IVNS1ABP: variants seen among roughly 807,000 people sequenced by gnomAD.
IVNS1ABP encodes the protein influenza virus NS1A-binding protein.
In IVNS1ABP, 25 loss-of-function variants were observed where a neutral mutation model predicts 78.9. The observed-to-expected ratio is 0.32, with a 90% CI of 0.23 to 0.44. The LOEUF (loss-of-function observed/expected upper bound fraction) is 0.44, where lower values mean the gene tolerates loss of function less well. IVNS1ABP is among the 20% of genes least tolerant of loss of function. IVNS1ABP has a pLI of 1.00. For synonymous variants in IVNS1ABP, 241 were observed against 259.7 expected (o/e 0.93, Z 0.69); for missense variants, 494 against 768.9 (o/e 0.64, Z 4.23).
chr1:185,308,695 A>G, intron 5 of IVNS1ABP, 105 bp downstream of exon 5: 4 of 799,064 alleles, frequency 5.0e-6, no homozygotes, highest in Non-Finnish European at 6.1e-6. Flanking sequence ...AAAAAGGGAC[A>G]TGTTCAAGTC....
At chr1:185,304,541 GA>G (rs1175087112) in intron 8 of IVNS1ABP, among the ~76,000 whole-genome samples, 8 of 152,140 alleles carry the variant, frequency 5.3e-5, no homozygotes, top group African/African-American at 1.9e-4. Flanking sequence ...GATTTTTAAA[GA>G]AAAGCATTCC....
In IVNS1ABP at chr1:185,300,715, C is replaced by T. The variant is rs1463629429; in HGVS notation, c.1121-157G>A. 4 of 782,244 alleles carry T rather than the reference C, an allele frequency of 5.1e-6. No homozygotes were observed. The African/African-American group carries it at 5.3e-5, about 10-fold the overall frequency. The allele number at this position is 782,244 out of a possible 1,614,324, so 48.5% of individuals were successfully genotyped here. ...TCTTTTAACTAAGTGCTTGTAATAGCTGAAAAATCGCATTATCAGTACAAA... is the reference window on the plus strand; with the variant it reads ...TCTTTTAACTAAGTGCTTGTAATAGTTGAAAAATCGCATTATCAGTACAAA... On this transcript the variant is annotated intron_variant, in intron 10 of 14. Transcript: ENST00000367498.
chr1:185,301,882 A>G (rs943436417), intron 8 of IVNS1ABP, among the ~76,000 whole-genome samples: 1 of 152,204 alleles, frequency 6.6e-6, no homozygotes, highest in African/African-American at 2.4e-5. Context: ...TATATTAAGT[A>G]TAGAATCTTT....
In IVNS1ABP at chr1:185,303,736, A is replaced by T. The variant is rs534060890; in HGVS notation, c.765+1800T>A. Among the ~76,000 whole-genome samples, 5 of 152,190 alleles carry T rather than the reference A, an allele frequency of 3.3e-5. No homozygotes were observed. In the East Asian group the frequency reaches 9.6e-4, roughly 29 times the overall value. ...GAACTACTGCTGGCAATAGTCTATAAACTGGGCTCAAACTTTTATTGATTT... is the reference window on the plus strand; with the variant it reads ...GAACTACTGCTGGCAATAGTCTATATACTGGGCTCAAACTTTTATTGATTT... On this transcript the variant is annotated intron_variant, in intron 8 of 14. Transcript: ENST00000367498.
At chr1:185,306,936 A>G (rs1248183677) in intron 7 of IVNS1ABP, 78 bp downstream of exon 7, 4 of 1,498,344 alleles carry the variant, frequency 2.7e-6, no homozygotes, top group South Asian at 2.3e-5. Context: ...GTTATAAAAT[A>G]AAAGTGAAAG....
At chr1:185,303,215 AAG>A (rs1288837650) in intron 8 of IVNS1ABP, among the ~76,000 whole-genome samples, 1 of 152,128 alleles carries the variant, frequency 6.6e-6, no homozygotes, top group Non-Finnish European at 1.5e-5. Context: ...ATGACTGTGA[AAG>A]AGAAAGGCCC....
At position 185,314,789 on chromosome 1, in the gene IVNS1ABP, T is replaced by C. The variant is rs1032476478; in HGVS notation, c.-247+2164A>G. Among the ~76,000 whole-genome samples the C allele has an allele frequency of 9.2e-5, 14 of 152,306 alleles. No homozygotes were observed. The South Asian group carries it at 2.9e-3, about 32-fold the overall frequency. On this transcript the variant is annotated intron_variant, in intron 1 of 14. Coordinates refer to ENST00000367498, the MANE Select transcript of IVNS1ABP (RefSeq NM_006469.5). The stretch of plus-strand genomic sequence containing the variant: ...AACATCAATTATCAAAATTAAGATA[T>C]GTGGCATCCTTATTAAAATCAATTA...
At chr1:185,315,514 CTCAAGTTCCGTT>C (rs1425014048) in intron 1 of IVNS1ABP, among the ~76,000 whole-genome samples, 1 of 152,190 alleles carries the variant, frequency 6.6e-6, no homozygotes, top group African/African-American at 2.4e-5. Context: ...TGGTCAGTGG[CTCAAGTTCCGTT>C]TACCTCTGGC....
At position 185,307,615 on chromosome 1, in the gene IVNS1ABP, G is replaced by A; in HGVS notation, c.405C>T (p.Ile135=). ...TACAACTTGCAAAATTTCGGTAAGA[G>A]ATGCAGCTGGTAACATCCATTCTAG... ...LLSRMDVTSC[I]SYRNFASCMG... Residue 135 remains isoleucine, a synonymous_variant, in exon 6 of 15, where the codon ATC becomes ATT. Transcript: ENST00000367498. 2 of 1,613,632 alleles carry A rather than the reference G, an allele frequency of 1.2e-6. No individual in the cohort carries two copies. Among genetic ancestry groups the A allele is most frequent in the Admixed American group, 3.3e-5 (2 of 59,984 alleles).
chr1:185,301,252 T>C, intron 9 of IVNS1ABP, 56 bp from the exon 10 acceptor site: 2 of 1,509,232 alleles, frequency 1.3e-6, no homozygotes, highest in Non-Finnish European at 1.8e-6. Context: ...GGTTTGTGTA[T>C]ATGATCCTGA....
chr1:185,300,722 A>C (rs1025520275), intron 10 of IVNS1ABP, 164 bp from the exon 11 acceptor site: 4 of 750,452 alleles, frequency 5.3e-6, no homozygotes, highest in Admixed American at 2.9e-5. Context: ...TAGCTGAAAA[A>C]TCGCATTATC....
At chr1:185,308,703 G>T in intron 5 of IVNS1ABP, 97 bp downstream of exon 5, 2 of 877,242 alleles carry the variant, frequency 2.3e-6, no homozygotes, top group Non-Finnish European at 3.6e-6. Context: ...ACATGTTCAA[G>T]TCCTTGAAAC....
chr1:185,301,065 G>C lies in IVNS1ABP; in HGVS notation c.1027C>G (p.Gln343Glu). 1 of 1,613,490 alleles carries C rather than the reference G, an allele frequency of 6.2e-7. No homozygotes were observed. Among genetic ancestry groups the C allele is most frequent in the Non-Finnish European group, 8.5e-7 (1 of 1,179,700 alleles). ...LSKSLSFEMQ[Q>E]DELIEKPMSP... ...ATGGGCTTTTCGATTAGCTCATCTT[G>C]TTGCATCTCAAAGCTTAAACTCTTA... Residue 343 changes from glutamine (Q) to glutamate (E), a missense_variant, in exon 10 of 15, where the codon CAA (glutamine) becomes GAA (glutamate). By Grantham distance (29) the Gln-to-Glu change is conservative. Transcript: ENST00000367498.
At chr1:185,307,245 A>G in intron 6 of IVNS1ABP, 106 bp from the exon 7 acceptor site, 2 of 1,337,426 alleles carry the variant, frequency 1.5e-6, no homozygotes, top group South Asian at 2.6e-5. Context: ...TTCATTCCAT[A>G]CATTTACTCT....
chr1:185,308,741 C>A, intron 5 of IVNS1ABP, 59 bp downstream of exon 5: 1 of 1,215,786 alleles, frequency 8.2e-7, no homozygotes, highest in East Asian at 2.3e-5. Context: ...ACAAATTCAG[C>A]ATTGCAATCA....
chr1:185,308,090 G>A, intron 5 of IVNS1ABP: 1 of 1,509,856 alleles, frequency 6.6e-7, no homozygotes, highest in Non-Finnish European at 8.9e-7. Flanking sequence ...ACTATATAAG[G>A]GAAAATCTAG....
At chr1:185,313,932 C>A (rs1055124758) in intron 1 of IVNS1ABP, among the ~76,000 whole-genome samples, 1 of 152,164 alleles carries the variant, frequency 6.6e-6, no homozygotes, top group Non-Finnish European at 1.5e-5. Flanking sequence ...CCCAGAAGTT[C>A]ACAGCCCGGA....
chr1:185,304,092 T>C (rs959701725), intron 8 of IVNS1ABP, among the ~76,000 whole-genome samples: 1 of 152,124 alleles, frequency 6.6e-6, no homozygotes. Flanking sequence ...CTCTAAATCC[T>C]AACACTGCTC....
At chr1:185,307,774 T>C (rs1313889162) in intron 5 of IVNS1ABP, 112 bp from the exon 6 acceptor site, 1 of 1,248,412 alleles carries the variant, frequency 8.0e-7, no homozygotes, top group African/African-American at 1.5e-5. Context: ...AAAATCACTG[T>C]CTTAATACAA....
Sources: gnomAD v4.1 joint callset for allele counts (sites outside exome capture counted in the v4.1 genomes callset) on GRCh38, gnomAD v4.1.1 for gene constraint, MANE v1.5 for transcripts, NCBI Gene and HGNC (gene_info 2026-07-23, HGNC 2026-07-21) for gene names.